Variants in PCSK6 observed in about 807,000 individuals in gnomAD.
PCSK6 encodes proprotein convertase subtilisin/kexin type 6, also known as paired basic amino acid cleaving enzyme 4.
A neutral mutation model predicts 123.3 loss-of-function variants in PCSK6; 85 were observed. That is an observed-to-expected ratio of 0.69 (90% CI 0.58 to 0.83). The LOEUF (loss-of-function observed/expected upper bound fraction) is 0.83. Among genes scored for constraint, PCSK6 ranks in the 40% least tolerant of loss-of-function variants. The pLI is 0.00. For missense variants in PCSK6, 1,191 were observed against 1,282.3 expected, an observed-to-expected ratio of 0.93 and a Z score of 1.09; for synonymous variants, 508 against 516.0, an observed-to-expected ratio of 0.98 and a Z score of 0.21.
intron 1 of PCSK6, among the ~76,000 whole-genome samples, chr15:101,472,208 G>A (rs776361091): frequency 1.3e-5 from 2 of 152,204 alleles, no homozygotes; most frequent in East Asian, 3.9e-4. Context: ...CCACGGCCAG[G>A]TGGCCTGGCC....
At chr15:101,391,061 G>C (rs1444574910) in intron 8 of PCSK6, among the ~76,000 whole-genome samples, 1 of 152,154 alleles carries the variant, frequency 6.6e-6, no homozygotes, top group Non-Finnish European at 1.5e-5. Context: ...TGGGGGTCTG[G>C]TCTGTGTCAC....
chr15:101,311,111 T>C (rs937001821), intron 20 of PCSK6, among the ~76,000 whole-genome samples: 40 of 151,890 alleles, frequency 2.6e-4, no homozygotes, highest in Non-Finnish European at 4.9e-4. Context: ...TGGCAACTCC[T>C]GACTTTTTTT....
chr15:101,369,441 G>C (rs995338999), intron 12 of PCSK6, among the ~76,000 whole-genome samples: 11 of 152,222 alleles, frequency 7.2e-5, no homozygotes, highest in Admixed American at 7.2e-4. Flanking sequence ...AGTCAAGTGG[G>C]CCCAGAGTGG....
rs371776853 is a variant in PCSK6, at chr15:101,359,079, G to A, written c.1858+7117C>T. 2.9e-4 allele frequency among the ~76,000 whole-genome samples: 44 copies of A among 152,308 alleles called. 1 individual carries two copies. The South Asian group carries it at 5.6e-3, about 19-fold the overall frequency. ...ACACAGCAGGGAGGGCTTGCCGTGC[G>A]TCAGCTGTGGCAGGACGCATGCCTG... On this transcript the variant is annotated intron_variant, in intron 13 of 21. Transcript: ENST00000611716.
intron 2 of PCSK6, among the ~76,000 whole-genome samples, chr15:101,434,431 G>A (rs2056537237): frequency 6.6e-6 from 1 of 152,234 alleles, no homozygotes. Context: ...CTAATCAGCT[G>A]GGAGATGTGG....
intron 1 of PCSK6, among the ~76,000 whole-genome samples, chr15:101,447,734 C>G (rs2056927265): frequency 6.6e-6 from 1 of 152,278 alleles, no homozygotes; most frequent in Non-Finnish European, 1.5e-5. Flanking sequence ...CCTGGACGTC[C>G]TGGGTGGCTG....
chr15:101,455,625 G>C (rs1047588969), intron 1 of PCSK6, among the ~76,000 whole-genome samples: 2 of 152,246 alleles, frequency 1.3e-5, no homozygotes, highest in African/African-American at 4.8e-5. Context: ...GTGACAGCTT[G>C]CCCTGCTGAG....
At chr15:101,403,322 A>G (rs535028789) in intron 6 of PCSK6, among the ~76,000 whole-genome samples, 156 of 150,210 alleles carry the variant, frequency 1.0e-3, no homozygotes, top group African/African-American at 2.4e-3. Flanking sequence ...CCTAATGCTA[A>G]ATGACCAGTT....
rs549061428 is a variant in PCSK6, at chr15:101,395,321, G to C, written c.997-1897C>G. ...GACTTGTGCCCCAAAGTCCAGGGTG[G>C]GCCTGAGAGTGTGCATCCCTAATGA... On this transcript the variant is annotated intron_variant, in intron 7 of 21. Coordinates refer to ENST00000611716, the MANE Select transcript of PCSK6 (RefSeq NM_002570.5). Among the ~76,000 whole-genome samples the C allele has an allele frequency of 2.6e-5, 4 of 152,256 alleles. No individual in the cohort carries two copies. In the South Asian group the frequency reaches 6.2e-4, roughly 24 times the overall value.
At chr15:101,401,035 G>A (rs1348818273) in intron 6 of PCSK6, among the ~76,000 whole-genome samples, 2 of 152,198 alleles carry the variant, frequency 1.3e-5, no homozygotes, top group Non-Finnish European at 2.9e-5. Context: ...GGAGAGGGAG[G>A]ACCACTCTAG....
At chr15:101,332,077 T>TC in intron 13 of PCSK6, 46 bp from the exon 14 acceptor site, 1 of 1,516,918 alleles carries the variant, frequency 6.6e-7, no homozygotes, top group South Asian at 1.3e-5. Flanking sequence ...TGCCAAGACC[T>TC]CTGTCACTCA....
intron 13 of PCSK6, among the ~76,000 whole-genome samples, chr15:101,360,845 C>T (rs1267902059): frequency 5.3e-5 from 8 of 152,192 alleles, no homozygotes; most frequent in African/African-American, 1.7e-4. Context: ...CCCGGTACAC[C>T]CTGAAATGCC....
intron 19 of PCSK6, among the ~76,000 whole-genome samples, chr15:101,316,822 C>T (rs2039999385): frequency 6.6e-6 from 1 of 151,344 alleles, no homozygotes; most frequent in African/African-American, 2.4e-5. Flanking sequence ...TGCTCATGGC[C>T]GGCCACGTGG....
intron 13 of PCSK6, among the ~76,000 whole-genome samples, chr15:101,360,191 C>T (rs932646702): frequency 5.3e-5 from 8 of 152,200 alleles, no homozygotes; most frequent in Non-Finnish European, 8.8e-5. Context: ...GTCACCTTCA[C>T]CTGATATTGC....
chr15:101,319,461 T>C (rs1485074943), intron 18 of PCSK6, among the ~76,000 whole-genome samples: 1 of 152,184 alleles, frequency 6.6e-6, no homozygotes, highest in Non-Finnish European at 1.5e-5. Flanking sequence ...CCTAAAACCC[T>C]TGGAATTATC....
intron 13 of PCSK6, among the ~76,000 whole-genome samples, chr15:101,348,919 C>T (rs1258342420): frequency 1.3e-5 from 2 of 152,242 alleles, no homozygotes; most frequent in African/African-American, 4.8e-5. Flanking sequence ...CCTCCTGCTC[C>T]TCTCACTCAA....
intron 21 of PCSK6, among the ~76,000 whole-genome samples, chr15:101,306,560 C>T (rs780422541): frequency 1.3e-5 from 2 of 152,202 alleles, no homozygotes; most frequent in Admixed American, 6.5e-5. Flanking sequence ...CCCTTCCCTG[C>T]CCGTGTGTCT....
At chr15:101,331,798 G>A (rs1253897689) in intron 14 of PCSK6, 54 bp downstream of exon 14, 1 of 1,604,700 alleles carries the variant, frequency 6.2e-7, no homozygotes, top group Non-Finnish European at 8.5e-7. Context: ...GAGCTACTCT[G>A]GACAATCAAA....
intron 17 of PCSK6, among the ~76,000 whole-genome samples, chr15:101,323,674 A>C (rs2040183937): frequency 6.7e-6 from 1 of 149,046 alleles, no homozygotes; most frequent in Admixed American, 6.7e-5. Context: ...CAGAGGGTGC[A>C]GTGAGCTGAG....
Sources: gnomAD v4.1 joint callset for allele counts (sites outside exome capture counted in the v4.1 genomes callset) on GRCh38, gnomAD v4.1.1 for gene constraint, MANE v1.5 for transcripts, NCBI Gene and HGNC (gene_info 2026-07-23, HGNC 2026-07-21) for gene names.